UBTD2: variants seen among roughly 807,000 people sequenced by gnomAD.
The protein encoded by UBTD2 is ubiquitin domain containing 2.
In UBTD2, 9 loss-of-function variants were observed where a neutral mutation model predicts 19.8. The ratio of observed to expected loss-of-function variants is 0.46; its 90% CI spans 0.27 to 0.79. The LOEUF (loss-of-function observed/expected upper bound fraction) is 0.79. Ranked by LOEUF, UBTD2 falls within the 30% of genes least tolerant of loss-of-function variation. The pLI, the probability that UBTD2 is intolerant of heterozygous loss-of-function variation, is 0.14. For synonymous variants in UBTD2, 98 were observed against 103.9 expected, an observed-to-expected ratio of 0.94 and a Z score of 0.35; for missense variants, 250 against 300.4, an observed-to-expected ratio of 0.83 and a Z score of 1.24.
At chr5:172,249,234 C>T (rs1169793750) in intron 1 of UBTD2, among the ~76,000 whole-genome samples, 1 of 150,948 alleles carries the variant, frequency 6.6e-6, no homozygotes, top group African/African-American at 2.4e-5. Context: ...CCCATCTCTA[C>T]TAAAAATACA....
chr5:172,236,495 C>T (rs1408119420), intron 1 of UBTD2, among the ~76,000 whole-genome samples: 2 of 152,190 alleles, frequency 1.3e-5, no homozygotes, highest in African/African-American at 4.8e-5. Flanking sequence ...GCATAATTCT[C>T]TAGAAGATGT....
intron 1 of UBTD2, among the ~76,000 whole-genome samples, chr5:172,273,419 C>T (rs1224695891): frequency 7.2e-5 from 11 of 151,812 alleles, no homozygotes; most frequent in African/African-American, 2.4e-4. Context: ...GGTGAAACCT[C>T]ATCTCTACTA....
intron 1 of UBTD2, among the ~76,000 whole-genome samples, chr5:172,247,196 G>GA (rs1169719357): frequency 2.6e-5 from 4 of 151,998 alleles, no homozygotes; most frequent in Non-Finnish European, 2.9e-5. Context: ...CTAATCAAAA[G>GA]AAAGTTTAAG....
intron 1 of UBTD2, chr5:172,254,891 A>T: frequency 2.0e-6 from 1 of 494,818 alleles, no homozygotes; most frequent in Non-Finnish European, 3.8e-6. Flanking sequence ...GGAATTTTTC[A>T]TCTCCTCCAT....
At chr5:172,256,978 C>T (rs186854632) in intron 1 of UBTD2, among the ~76,000 whole-genome samples, 3 of 152,034 alleles carry the variant, frequency 2.0e-5, no homozygotes, top group Non-Finnish European at 4.4e-5. Context: ...TTGATGAATT[C>T]TTTTTTTTCT....
rs116195953 is a variant in UBTD2 at position 172,232,050 on chromosome 5, A to C, written c.307+2072T>G. On this transcript the variant is annotated intron_variant, in intron 2 of 2. Transcript: ENST00000393792. ...CTTTAGAAGGCCAAGGCAGGCAGAT[A>C]GCTTGAGGCCAGGAGTTCGAGACCA... Among the ~76,000 whole-genome samples the C allele has an allele frequency of 3.2e-3, 494 of 152,190 alleles. 1 individual carries two copies. The highest frequency in any genetic ancestry group is 0.011 in the African/African-American group (472 of 41,522).
At chr5:172,257,868 T>C (rs1755188766) in intron 1 of UBTD2, among the ~76,000 whole-genome samples, 1 of 152,206 alleles carries the variant, frequency 6.6e-6, no homozygotes, top group South Asian at 2.1e-4. Context: ...GGTTGTTTGC[T>C]TTTTGTCTGT....
intron 1 of UBTD2, among the ~76,000 whole-genome samples, chr5:172,270,182 C>T (rs10039452): frequency 0.3 from 45,322 of 151,090 alleles, 6,911 homozygotes; most frequent in South Asian, 0.42. Context: ...TGGGCTCAAA[C>T]AGATCCTCCC....
At chr5:172,279,711 A>G (rs1755672502) in intron 1 of UBTD2, among the ~76,000 whole-genome samples, 1 of 152,250 alleles carries the variant, frequency 6.6e-6, no homozygotes. Flanking sequence ...TTTTCTGCCC[A>G]CATATTTATT....
chr5:172,279,196 T>C (rs895442469), intron 1 of UBTD2, among the ~76,000 whole-genome samples: 2 of 152,256 alleles, frequency 1.3e-5, no homozygotes, highest in African/African-American at 4.8e-5. Context: ...ATGAGCAAGT[T>C]ATTAAAGGTT....
intron 2 of UBTD2, among the ~76,000 whole-genome samples, chr5:172,225,691 T>C (rs760376430): frequency 2.0e-5 from 3 of 152,210 alleles, no homozygotes; most frequent in Non-Finnish European, 4.4e-5. Flanking sequence ...TTTACATACA[T>C]GTCAAAGCTG....
intron 1 of UBTD2, among the ~76,000 whole-genome samples, chr5:172,251,077 G>C (rs1581224559): frequency 6.6e-6 from 1 of 152,002 alleles, no homozygotes; most frequent in Middle Eastern, 3.4e-3. Flanking sequence ...CACTTCGGGA[G>C]GCCGAGGCGG....
chr5:172,227,695 C>CTTTTTTT (rs1164255222), intron 2 of UBTD2, among the ~76,000 whole-genome samples: 1 of 72,162 alleles, frequency 1.4e-5, no homozygotes. Context: ...ATGAAAAATT[C>CTTTTTTT]TTTTTTTTTT....
chr5:172,212,821 T>C (rs1283018885), intron 2 of UBTD2, among the ~76,000 whole-genome samples: 1 of 149,082 alleles, frequency 6.7e-6, no homozygotes, highest in African/African-American at 2.4e-5. Context: ...CCTGGTACCA[T>C]ACCCGGCTAA....
At chr5:172,259,609 TGTGTGGAGGCG>T (rs1490905098) in intron 1 of UBTD2, among the ~76,000 whole-genome samples, 3 of 152,072 alleles carry the variant, frequency 2.0e-5, no homozygotes, top group African/African-American at 7.2e-5. Flanking sequence ...TAAATGTATG[TGTGTGGAGGCG>T]GTGTGGGGGT....
chr5:172,271,558 A>G (rs916113032), intron 1 of UBTD2, among the ~76,000 whole-genome samples: 9 of 152,026 alleles, frequency 5.9e-5, no homozygotes, highest in African/African-American at 1.9e-4. Flanking sequence ...AATTTTACCT[A>G]AGTTCTACTT....
At chr5:172,227,349 G>A (rs938726446) in intron 2 of UBTD2, among the ~76,000 whole-genome samples, 8 of 152,034 alleles carry the variant, frequency 5.3e-5, no homozygotes, top group Non-Finnish European at 1.2e-4. Flanking sequence ...TTTTGTTTGA[G>A]GATAGAGAGA....
chr5:172,214,931 ATATTCT>A (rs1201082249), intron 2 of UBTD2, among the ~76,000 whole-genome samples: 3 of 152,192 alleles, frequency 2.0e-5, no homozygotes, highest in African/African-American at 4.8e-5. Context: ...AAATCAACAG[ATATTCT>A]TAATCTGTGG....
intron 1 of UBTD2, among the ~76,000 whole-genome samples, chr5:172,244,215 T>A (rs1772191509): frequency 6.6e-6 from 1 of 151,944 alleles, no homozygotes; most frequent in Non-Finnish European, 1.5e-5. Context: ...ACCTATTAAG[T>A]CAGCAACAGT....
Sources: allele counts gnomAD v4.1 joint callset (sites outside exome capture counted in the v4.1 genomes callset), GRCh38; gene constraint gnomAD v4.1.1; transcripts MANE v1.5; gene names NCBI Gene and HGNC (gene_info 2026-07-23, HGNC 2026-07-21).